Variants in NIPA2 observed in about 807,000 individuals in gnomAD.
NIPA2 encodes the protein magnesium transporter NIPA2.
NIPA2 carries 11 observed loss-of-function variants against 29.7 expected under a neutral mutation model. The observed-to-expected ratio is 0.37, with a 90% CI of 0.23 to 0.61. The LOEUF (loss-of-function observed/expected upper bound fraction) is 0.61. NIPA2 is among the 20% of genes least tolerant of loss of function. The pLI is 0.66. For synonymous variants in NIPA2, 183 were observed against 161.9 expected (o/e 1.13, Z -0.99); for missense variants, 426 against 437.9 (o/e 0.97, Z 0.24).
rs927409642 is a variant in NIPA2 at position 22,838,855 on chromosome 15, G to T, written c.-418G>T. 4 of 152,514 alleles carry T rather than the reference G, an allele frequency of 2.6e-5. No homozygotes were observed. Among genetic ancestry groups the T allele is most frequent in the South Asian group, 4.1e-4 (2 of 4,836 alleles). The allele number at this position is 152,514 out of a possible 1,614,324, so 9.4% of individuals were successfully genotyped here. ...CGCAGGACTGGGCGGCCTGTGTGGG[G>T]GTGTGAGCCGCGGTGCCCAAGGCTG... is the stretch of plus-strand genomic sequence containing the variant. On this transcript the variant is annotated 5_prime_UTR_variant, in exon 1 of 8. Coordinates refer to ENST00000337451, the MANE Select transcript of NIPA2 (RefSeq NM_030922.7).
rs2059137114 is a variant in NIPA2 at position 22,866,961 on chromosome 15, T to A, written c.*114T>A. The A allele has an allele frequency of 9.5e-7, 1 of 1,047,190 alleles. No individual in the cohort carries two copies. The highest frequency in any genetic ancestry group is 1.6e-5 in the African/African-American group (1 of 62,950). 64.9% of individuals were successfully genotyped at this position (1,047,190 alleles called of 1,614,324 possible). A position where few individuals can be genotyped will look rare whatever the true frequency, so the allele number is the denominator to read the frequency against. ...TAATGTTCTTTAAAGGCAATCTTTT[T>A]AAAGATTTCACTAATTTGGACCAAG... On this transcript the variant is annotated 3_prime_UTR_variant, in exon 8 of 8. Coordinates refer to ENST00000337451, the MANE Select transcript of NIPA2 (RefSeq NM_030922.7).
intron 5 of NIPA2, among the ~76,000 whole-genome samples, chr15:22,853,846 T>G (rs2057968663): frequency 6.6e-6 from 1 of 152,160 alleles, no homozygotes; most frequent in East Asian, 1.9e-4. Flanking sequence ...TTTTTTGTTT[T>G]TGAGATGGAA....
At chr15:22,861,569 C>T (rs1362839792) in intron 7 of NIPA2, among the ~76,000 whole-genome samples, 1 of 152,174 alleles carries the variant, frequency 6.6e-6, no homozygotes, top group Non-Finnish European at 1.5e-5. Flanking sequence ...ACCGTCTTCT[C>T]ATTTCTGATG....
At chr15:22,857,834 C>G (rs1465584699) in intron 5 of NIPA2, among the ~76,000 whole-genome samples, 2 of 77,420 alleles carry the variant, frequency 2.6e-5, no homozygotes, top group Non-Finnish European at 4.2e-5. Context: ...AAGACTCCAT[C>G]TCAAAAAAAA....
intron 6 of NIPA2, 23 bp from the exon 7 acceptor site, chr15:22,860,606 A>G (rs374327353): frequency 2.3e-5 from 34 of 1,494,082 alleles, no homozygotes; most frequent in African/African-American, 2.2e-4. Flanking sequence ...AAAGTTCTCA[A>G]TTTTTTTTCC....
At chr15:22,852,959 C>T (rs1403399073) in intron 4 of NIPA2, among the ~76,000 whole-genome samples, 2 of 152,288 alleles carry the variant, frequency 1.3e-5, no homozygotes, top group African/African-American at 4.8e-5. Context: ...TCAGCATCTA[C>T]TGCTTGTTCC....
In NIPA2 at chr15:22,853,338, G is replaced by C. The variant is rs1005173440; in HGVS notation, c.196+70G>C. On this transcript the variant is annotated intron_variant, in intron 5 of 7. Coordinates refer to ENST00000337451, the MANE Select transcript of NIPA2 (RefSeq NM_030922.7). ...TAAAATATTTGCATATGGTATTATAGCCTCATTACTAGCAAGTTTTAAAGG... is the reference window on the plus strand; with the variant it reads ...TAAAATATTTGCATATGGTATTATACCCTCATTACTAGCAAGTTTTAAAGG... 22 of 921,240 alleles carry C rather than the reference G, an allele frequency of 2.4e-5. No homozygotes were observed. In the African/African-American group the frequency reaches 2.9e-4, roughly 12 times the overall value. 57.1% of individuals were successfully genotyped at this position (921,240 alleles called of 1,614,324 possible).
chr15:22,854,896 T>C (rs2058069210), intron 5 of NIPA2, among the ~76,000 whole-genome samples: 1 of 152,164 alleles, frequency 6.6e-6, no homozygotes, highest in Non-Finnish European at 1.5e-5. Flanking sequence ...TTTTTACCCA[T>C]CTGATTAAAA....
At chr15:22,866,076 G>C in intron 7 of NIPA2, 137 bp from the exon 8 acceptor site, 1 of 677,078 alleles carries the variant, frequency 1.5e-6, no homozygotes, top group East Asian at 2.7e-5. Flanking sequence ...ATTTCTGCTT[G>C]GGCTGCAAAA....
Position 22,866,863 on chromosome 15 carries a change from A to G in NIPA2, c.*16A>G. The G allele has an allele frequency of 6.4e-7, 1 of 1,566,918 alleles. No individual in the cohort carries two copies. Among genetic ancestry groups the G allele is most frequent in the Non-Finnish European group, 8.6e-7 (1 of 1,157,238 alleles). Reference sequence around the variant, plus strand: ...AGCTTTTTAAGAAAGGTGTAATTAAAGGTTAATCTGTGATTGTTATGAAGT... The same window carrying G: ...AGCTTTTTAAGAAAGGTGTAATTAAGGGTTAATCTGTGATTGTTATGAAGT... On this transcript the variant is annotated 3_prime_UTR_variant, in exon 8 of 8. Transcript: ENST00000337451.
chr15:22,853,267 A>C lies in NIPA2; in HGVS notation c.195A>C (p.Ser65=). 3 of 1,598,852 alleles carry C rather than the reference A, an allele frequency of 1.9e-6. No homozygotes were observed. The highest frequency in any genetic ancestry group is 2.6e-6 in the Non-Finnish European group (3 of 1,166,652). The change falls in exon 5 of 8, where the codon TCA becomes TCC. Residue 65 remains serine, a splice_region_variant and synonymous_variant. Transcript: ENST00000337451. ...GGTTGTGGTGGGCTGGACTGCTGTC[A>C]AGTATGTATAAAGAACATTGCAAGA... ...KEWLWWAGLL[S]MGAGEVANFA...
intron 4 of NIPA2, 63 bp downstream of exon 4, chr15:22,851,933 T>C (rs370211009): frequency 5.3e-4 from 730 of 1,377,814 alleles, no homozygotes; most frequent in Non-Finnish European, 5.8e-4. Flanking sequence ...ACAGGTTCTT[T>C]GTACAAGACC....
At chr15:22,854,462 G>A (rs1013373125) in intron 5 of NIPA2, among the ~76,000 whole-genome samples, 5 of 149,648 alleles carry the variant, frequency 3.3e-5, no homozygotes, top group African/African-American at 1.2e-4. Flanking sequence ...AATTATTATT[G>A]GGCCGGGCGC....
chr15:22,840,711 C>T (rs1261124250), intron 2 of NIPA2, among the ~76,000 whole-genome samples: 2 of 152,208 alleles, frequency 1.3e-5, no homozygotes, highest in African/African-American at 2.4e-5. Context: ...GTTTCCTTAG[C>T]TGTAAAGTGA....
chr15:22,854,786 C>T (rs1020431687), intron 5 of NIPA2, among the ~76,000 whole-genome samples: 1 of 152,052 alleles, frequency 6.6e-6, no homozygotes, highest in Non-Finnish European at 1.5e-5. Context: ...ACTGTAGTCA[C>T]CCTGTTGTGC....
chr15:22,861,678 C>CT (rs1239948268), intron 7 of NIPA2, among the ~76,000 whole-genome samples: 2 of 152,080 alleles, frequency 1.3e-5, no homozygotes, highest in African/African-American at 4.8e-5. Context: ...CCCACAGTGT[C>CT]TGAAATTTCC....
At chr15:22,859,406 C>T (rs989575708) in intron 6 of NIPA2, among the ~76,000 whole-genome samples, 2 of 151,554 alleles carry the variant, frequency 1.3e-5, no homozygotes, top group African/African-American at 2.4e-5. Context: ...CATTCTCCTG[C>T]CACAGCCTCC....
At position 22,853,235 on chromosome 15, in the gene NIPA2, A is replaced by G; in HGVS notation, c.163A>G (p.Lys55Glu). 6.2e-7 allele frequency: 1 copy of G among 1,611,404 alleles called. No homozygotes were observed. Among genetic ancestry groups the G allele is most frequent in the Non-Finnish European group, 8.5e-7 (1 of 1,177,654 alleles). Residue 55 changes from lysine (K) to glutamate (E), a missense_variant, in exon 5 of 8, where the codon AAG (lysine) becomes GAG (glutamate). Physicochemically the swap from Lys to Glu is moderately conservative, Grantham distance 56. Around this residue, in one of 3 missense-constraint regions of NIPA2, gnomAD observed 57 missense variants for 66.6 expected, o/e 0.86. Coordinates refer to ENST00000337451, the MANE Select transcript of NIPA2 (RefSeq NM_030922.7). ...AGGTCAAGGTGGCCATGCATATCTT[A>G]AGGAATGGTTGTGGTGGGCTGGACT... ...RAGQGGHAYL[K>E]EWLWWAGLLS...
chr15:22,855,213 C>T (rs2058088615), intron 5 of NIPA2, among the ~76,000 whole-genome samples: 1 of 151,260 alleles, frequency 6.6e-6, no homozygotes, highest in Admixed American at 6.6e-5. Flanking sequence ...AGGAGTGAGA[C>T]CAGCCTGACC....
Sources: allele counts gnomAD v4.1 joint callset (sites outside exome capture counted in the v4.1 genomes callset), GRCh38; gene constraint gnomAD v4.1.1; regional missense constraint gnomAD v4.1.1; transcripts MANE v1.5; gene names NCBI Gene and HGNC (gene_info 2026-07-23, HGNC 2026-07-21).